ZFHX3: variants seen among roughly 807,000 people sequenced by gnomAD.
The protein encoded by ZFHX3 is zinc finger homeobox 3, also known as zinc finger homeobox protein 3.
In ZFHX3, 42 loss-of-function variants were observed where a neutral mutation model predicts 279.1. The ratio of observed to expected loss-of-function variants is 0.15; its 90% CI spans 0.12 to 0.19. The LOEUF (loss-of-function observed/expected upper bound fraction) is 0.19, where lower values mean the gene tolerates loss of function less well. Among genes scored for constraint, ZFHX3 ranks in the 10% least tolerant of loss-of-function variants. The probability of loss-of-function intolerance (pLI) is 1.00; values close to 1 mark genes in which losing one functional copy is unlikely to be tolerated. For missense variants in ZFHX3, 4,981 were observed against 4,754.0 expected (o/e 1.05, Z -1.40); for synonymous variants, 2,293 against 1,957.8 (o/e 1.17, Z -4.52).
chr16:72,985,537 G>C (rs1364671359), intron 1 of ZFHX3, among the ~76,000 whole-genome samples: 1 of 152,216 alleles, frequency 6.6e-6, no homozygotes, highest in Non-Finnish European at 1.5e-5. Flanking sequence ...CAGACTCAAG[G>C]CAGGGAAGAA....
intron 5 of ZFHX3, among the ~76,000 whole-genome samples, chr16:73,157,242 T>C (rs1967110711): frequency 6.6e-6 from 1 of 151,992 alleles, no homozygotes; most frequent in Admixed American, 6.6e-5. Context: ...TATGTTTGGG[T>C]AGATGGTGCC....
intron 1 of ZFHX3, chr16:73,809,824 G>A (rs1299922764): frequency 6.6e-6 from 1 of 152,222 alleles, no homozygotes; most frequent in African/African-American, 2.4e-5. Flanking sequence ...CTTGCCTATA[G>A]TTTTCAGAAA....
chr16:73,046,666 A>G (rs142751735), intron 1 of ZFHX3, among the ~76,000 whole-genome samples: 1,766 of 152,158 alleles, frequency 0.012, 14 homozygotes, highest in Non-Finnish European at 0.019. Flanking sequence ...TAAATTATAC[A>G]CTATTTATTT....
At chr16:73,709,180 C>T (rs2053333386) in intron 1 of ZFHX3, among the ~76,000 whole-genome samples, 1 of 152,044 alleles carries the variant, frequency 6.6e-6, no homozygotes, top group African/African-American at 2.4e-5. Flanking sequence ...AAAATGCCAG[C>T]CTGCACAAGA....
At chr16:73,298,908 T>C (rs182219907) in intron 4 of ZFHX3, among the ~76,000 whole-genome samples, 1 of 152,210 alleles carries the variant, frequency 6.6e-6, no homozygotes, top group Admixed American at 6.5e-5. Flanking sequence ...TCACTTCAGT[T>C]TGTAAATGTA....
At chr16:73,835,664 T>G (rs1961126182) in intron 1 of ZFHX3, among the ~76,000 whole-genome samples, 1 of 151,792 alleles carries the variant, frequency 6.6e-6, no homozygotes, top group Non-Finnish European at 1.5e-5. Flanking sequence ...AGAGATGGGG[T>G]TTCACCATGT....
At chr16:73,831,183 T>C (rs1053158966) in intron 1 of ZFHX3, among the ~76,000 whole-genome samples, 15 of 152,222 alleles carry the variant, frequency 9.9e-5, no homozygotes, top group African/African-American at 3.6e-4. Flanking sequence ...TGGGCCAAAT[T>C]TTCCATTCTC....
intron 3 of ZFHX3, among the ~76,000 whole-genome samples, chr16:72,945,460 C>A (rs766135218): frequency 3.9e-4 from 59 of 152,268 alleles, no homozygotes; most frequent in Admixed American, 1.5e-3. Context: ...CCCACCAGCA[C>A]CAACCATCAA....
intron 1 of ZFHX3, among the ~76,000 whole-genome samples, chr16:72,998,329 A>G (rs1369117957): frequency 1.3e-5 from 2 of 152,172 alleles, no homozygotes; most frequent in African/African-American, 2.4e-5. Flanking sequence ...TGAATCCAGG[A>G]GGCAGAGTTT....
intron 3 of ZFHX3, among the ~76,000 whole-genome samples, chr16:73,426,467 G>C (rs2017811731): frequency 6.6e-6 from 1 of 152,132 alleles, no homozygotes; most frequent in Non-Finnish European, 1.5e-5. Flanking sequence ...ATGGGGATCA[G>C]TACAGAACTG....
intron 5 of ZFHX3, among the ~76,000 whole-genome samples, chr16:73,219,466 G>A (rs183514366): frequency 5.9e-5 from 9 of 152,332 alleles, no homozygotes; most frequent in South Asian, 2.1e-4. Context: ...GAATGGTGCA[G>A]GCAGTATCTG....
intron 1 of ZFHX3, among the ~76,000 whole-genome samples, chr16:73,814,658 C>T (rs1032822115): frequency 6.6e-6 from 1 of 151,718 alleles, no homozygotes; most frequent in African/African-American, 2.4e-5. Context: ...GCCTCTGCCT[C>T]CTGGGTTCAA....
At chr16:73,162,054 C>T (rs375360984) in intron 5 of ZFHX3, among the ~76,000 whole-genome samples, 2 of 152,184 alleles carry the variant, frequency 1.3e-5, no homozygotes, top group East Asian at 1.9e-4. Flanking sequence ...ATAAAGAATG[C>T]TGAATGGTTA....
chr16:73,461,821 T>C (rs2018476767), intron 2 of ZFHX3, among the ~76,000 whole-genome samples: 1 of 152,222 alleles, frequency 6.6e-6, no homozygotes. Context: ...TCTCACTTTA[T>C]TTTTCTTTTT....
At chr16:73,547,217 G>A (rs1234528039) in intron 2 of ZFHX3, among the ~76,000 whole-genome samples, 1 of 151,874 alleles carries the variant, frequency 6.6e-6, no homozygotes, top group Non-Finnish European at 1.5e-5. Context: ...ATCGGCTATG[G>A]TACTATTCTA....
intron 4 of ZFHX3, among the ~76,000 whole-genome samples, chr16:73,314,715 C>A (rs1265510394): frequency 6.6e-6 from 1 of 152,222 alleles, no homozygotes; most frequent in Non-Finnish European, 1.5e-5. Flanking sequence ...GCCACTTACT[C>A]ATTCTTCCAG....
At chr16:73,438,909 G>T (rs952720044) in intron 3 of ZFHX3, among the ~76,000 whole-genome samples, 1 of 152,184 alleles carries the variant, frequency 6.6e-6, no homozygotes, top group Non-Finnish European at 1.5e-5. Context: ...GCCAGGACCA[G>T]AGACAAAGGT....
chr16:72,950,221 C>T (rs1470675239), intron 3 of ZFHX3, among the ~76,000 whole-genome samples: 1 of 152,086 alleles, frequency 6.6e-6, no homozygotes, highest in African/African-American at 2.4e-5. Context: ...GTCAACAAAA[C>T]CTGACCCAAA....
intron 1 of ZFHX3, among the ~76,000 whole-genome samples, chr16:73,846,157 T>A (rs1009249710): frequency 6.6e-6 from 1 of 152,176 alleles, no homozygotes; most frequent in Non-Finnish European, 1.5e-5. Flanking sequence ...CAGCGGTGGT[T>A]ACACAGCTGT....
Sources: allele counts gnomAD v4.1 joint callset (sites outside exome capture counted in the v4.1 genomes callset), GRCh38; gene constraint gnomAD v4.1.1; transcripts MANE v1.5; gene names NCBI Gene and HGNC (gene_info 2026-07-23, HGNC 2026-07-21).